MICU1: variants seen among roughly 807,000 people sequenced by gnomAD.
The protein encoded by MICU1 is mitochondrial calcium uptake 1.
Under a neutral mutation model 56.8 loss-of-function variants are expected in MICU1, and 45 were observed. The observed-to-expected ratio is 0.79, with a 90% confidence interval of 0.62 to 1.02. The LOEUF is 1.02. Among genes scored for constraint, MICU1 ranks in the 50% least tolerant of loss-of-function variants. The pLI, the probability that MICU1 is intolerant of heterozygous loss-of-function variation, is 0.00. For missense variants in MICU1, 504 were observed against 587.1 expected, an observed-to-expected ratio of 0.86 and a Z score of 1.46; for synonymous variants, 186 against 195.1, an observed-to-expected ratio of 0.95 and a Z score of 0.39.
intron 3 of MICU1, among the ~76,000 whole-genome samples, chr10:72,553,469 A>C (rs975056234): frequency 1.3e-5 from 2 of 151,922 alleles, no homozygotes; most frequent in Non-Finnish European, 2.9e-5. Flanking sequence ...TCCAGACCTC[A>C]TGATCCGCCT....
At chr10:72,457,215 CTTT>C (rs372652226) in intron 8 of MICU1, among the ~76,000 whole-genome samples, 4 of 131,784 alleles carry the variant, frequency 3.0e-5, no homozygotes, top group Middle Eastern at 3.4e-3. Flanking sequence ...TTACTTCCTA[CTTT>C]TTTTTTTTTT....
At chr10:72,574,730 T>C (rs1330479860) in intron 1 of MICU1, among the ~76,000 whole-genome samples, 1 of 152,128 alleles carries the variant, frequency 6.6e-6, no homozygotes, top group Non-Finnish European at 1.5e-5. Flanking sequence ...ATGCATGGGA[T>C]GGCAAGTCAC....
chr10:72,473,870 A>G (rs1866023613), intron 8 of MICU1, among the ~76,000 whole-genome samples: 1 of 152,232 alleles, frequency 6.6e-6, no homozygotes, highest in South Asian at 2.1e-4. Flanking sequence ...TTTAAAAACA[A>G]CATAGCACCT....
In MICU1 at chr10:72,421,016, A is replaced by AATAATAAT. The variant is rs780940697; in HGVS notation, c.1071+2217_1071+2218insATTATTAT. Among the ~76,000 whole-genome samples the AATAATAAT allele has an allele frequency of 1.2e-4, 15 of 124,136 alleles. No individual in the cohort carries two copies. In the South Asian group the frequency reaches 1.3e-3, roughly 11 times the overall value. The allele number at this position is 124,136 out of a possible 152,430, so 81.4% of individuals were successfully genotyped here. On this transcript the variant is annotated intron_variant, in intron 9 of 11. Coordinates refer to ENST00000361114, the MANE Select transcript of MICU1 (RefSeq NM_001195518.2). ...AAACTCCGTCTCAAAAAAAAAAAAA[A>AATAATAAT]AATAATAATAATAATAATAATAATA... is the stretch of plus-strand genomic sequence containing the variant.
chr10:72,545,692 A>G (rs933838327), intron 4 of MICU1, among the ~76,000 whole-genome samples: 1 of 152,190 alleles, frequency 6.6e-6, no homozygotes, highest in African/African-American at 2.4e-5. Context: ...TCAAGCCTCT[A>G]AAAGGTGTTA....
chr10:72,540,625 G>A (rs1839751124), intron 4 of MICU1, among the ~76,000 whole-genome samples: 1 of 152,208 alleles, frequency 6.6e-6, no homozygotes, highest in Non-Finnish European at 1.5e-5. Context: ...CATGAACTAT[G>A]AACATGCCAC....
At chr10:72,421,300 C>T (rs12769094) in intron 9 of MICU1, among the ~76,000 whole-genome samples, 2 of 151,156 alleles carry the variant, frequency 1.3e-5, no homozygotes, top group African/African-American at 2.4e-5. Flanking sequence ...CTTTCTCCCA[C>T]GCTGGAGTGA....
intron 3 of MICU1, among the ~76,000 whole-genome samples, chr10:72,558,239 C>G (rs16929994): frequency 0.026 from 4,009 of 152,206 alleles, 77 homozygotes; most frequent in Admixed American, 0.039. Flanking sequence ...TGAGCCTGTG[C>G]TCTAAAAATA....
At chr10:72,558,028 A>G (rs1046458852) in intron 3 of MICU1, among the ~76,000 whole-genome samples, 9 of 152,230 alleles carry the variant, frequency 5.9e-5, no homozygotes, top group African/African-American at 2.2e-4. Context: ...CATAGTCTCA[A>G]TCAAACAAAT....
intron 8 of MICU1, among the ~76,000 whole-genome samples, chr10:72,443,352 T>C (rs1483549003): frequency 1.3e-5 from 2 of 152,222 alleles, no homozygotes; most frequent in Non-Finnish European, 2.9e-5. Flanking sequence ...TTTCTTTTGT[T>C]GTGCAGAAGC....
At chr10:72,373,998 G>A (rs1862433119) in intron 11 of MICU1, among the ~76,000 whole-genome samples, 1 of 152,228 alleles carries the variant, frequency 6.6e-6, no homozygotes, top group South Asian at 2.1e-4. Context: ...ACTGTGGACA[G>A]GGCAGCTCTA....
intron 9 of MICU1, among the ~76,000 whole-genome samples, chr10:72,421,016 A>AAAATAAT (rs1554865354): frequency 8.1e-6 from 1 of 124,138 alleles, no homozygotes; most frequent in African/African-American, 2.9e-5. Context: ...AAAAAAAAAA[A>AAAATAAT]AATAATAATA....
chr10:72,431,347 C>G (rs1564863891), intron 8 of MICU1, among the ~76,000 whole-genome samples: 1 of 152,130 alleles, frequency 6.6e-6, no homozygotes, highest in Non-Finnish European at 1.5e-5. Context: ...CCAGGCTGGT[C>G]TCGAGCTCCT....
In MICU1 at chr10:72,626,069, A is replaced by G. The variant is rs558471737; in HGVS notation, c.-61T>C. 471 of 153,214 alleles carry G rather than the reference A, an allele frequency of 3.1e-3. 1 individual carries two copies. Among genetic ancestry groups the G allele is most frequent in the Non-Finnish European group, 5.5e-3 (380 of 68,630 alleles). The allele number at this position is 153,214 out of a possible 1,614,324, so 9.5% of individuals were successfully genotyped here. On this transcript the variant is annotated 5_prime_UTR_variant, in exon 1 of 12. Coordinates refer to ENST00000361114, the MANE Select transcript of MICU1 (RefSeq NM_001195518.2). ...AAAGCCGCCCACCTCTGACAGCCAT[A>G]GAGATGAAACAGCGGAGACAAACCT...
chr10:72,382,276 AT>A (rs71018281), intron 10 of MICU1, among the ~76,000 whole-genome samples: 320 of 143,708 alleles, frequency 2.2e-3, no homozygotes, highest in Non-Finnish European at 2.5e-3. Context: ...CGTCCGGCTA[AT>A]TTTTTTTTTT....
At chr10:72,503,615 AAT>A (rs1462690479) in intron 6 of MICU1, among the ~76,000 whole-genome samples, 1 of 152,138 alleles carries the variant, frequency 6.6e-6, no homozygotes, top group African/African-American at 2.4e-5. Flanking sequence ...AACCAGTAGT[AAT>A]ATCAGGCAAG....
In MICU1 at chr10:72,478,846, G is replaced by A. The variant is rs141118810; in HGVS notation, c.653-1590C>T. 2.0e-3 allele frequency among the ~76,000 whole-genome samples: 298 copies of A among 152,310 alleles called. 2 individuals are homozygous for A. The highest frequency in any genetic ancestry group is 3.0e-3 in the Non-Finnish European group (204 of 68,026). On this transcript the variant is annotated intron_variant, in intron 6 of 11. Transcript: ENST00000361114. The stretch of plus-strand genomic sequence containing the variant: ...GACAGGGTTTCAACATGTCAGCTAG[G>A]CTGGTCTTGAACTCCTGACCTCAAG...
chr10:72,566,039 CTTTTTTTT>C (rs11376019), intron 2 of MICU1, among the ~76,000 whole-genome samples: 22 of 69,832 alleles, frequency 3.2e-4, no homozygotes, highest in African/African-American at 5.0e-4. Flanking sequence ...CATTCATTTT[CTTTTTTTT>C]TTTTTTTTTT....
At chr10:72,591,582 C>T (rs1235156830) in intron 1 of MICU1, among the ~76,000 whole-genome samples, 2 of 152,074 alleles carry the variant, frequency 1.3e-5, no homozygotes, top group Non-Finnish European at 2.9e-5. Flanking sequence ...GATTATAAGA[C>T]AGTACTATGA....
Sources: gnomAD v4.1 joint callset for allele counts (sites outside exome capture counted in the v4.1 genomes callset) on GRCh38, gnomAD v4.1.1 for gene constraint, MANE v1.5 for transcripts, NCBI Gene and HGNC (gene_info 2026-07-23, HGNC 2026-07-21) for gene names.